Variants in CPXM2 observed in about 807,000 individuals in gnomAD.
CPXM2 encodes inactive carboxypeptidase-like protein X2.
CPXM2 carries 66 observed loss-of-function variants against 86.1 expected under a neutral mutation model. The observed-to-expected ratio is 0.77, with a 90% CI of 0.63 to 0.94. The LOEUF (loss-of-function observed/expected upper bound fraction) is 0.94. CPXM2 is among the 40% of genes least tolerant of loss of function. The pLI, the probability that CPXM2 is intolerant of heterozygous loss-of-function variation, is 0.00. For synonymous variants in CPXM2, 388 were observed against 400.2 expected (o/e 0.97, Z 0.36); for missense variants, 948 against 1,026.3 (o/e 0.92, Z 1.04).
At chr10:123,816,137 AC>A (rs1462360404) in intron 4 of CPXM2, among the ~76,000 whole-genome samples, 1 of 152,092 alleles carries the variant, frequency 6.6e-6, no homozygotes, top group African/African-American at 2.4e-5. Flanking sequence ...GTCACTTTAG[AC>A]CTACTCATCC....
chr10:123,916,934 C>T (rs1047219849), intron 2 of CPXM2, among the ~76,000 whole-genome samples: 8 of 152,218 alleles, frequency 5.3e-5, no homozygotes, highest in African/African-American at 1.2e-4. Context: ...CATGCCACCA[C>T]GCCCAGCTCT....
At chr10:123,783,638 G>T (rs1231004391) in intron 6 of CPXM2, among the ~76,000 whole-genome samples, 1 of 152,148 alleles carries the variant, frequency 6.6e-6, no homozygotes, top group Non-Finnish European at 1.5e-5. Flanking sequence ...CCACACAAAG[G>T]CCCTGAAATG....
At chr10:123,870,250 T>C (rs1273510352) in intron 2 of CPXM2, among the ~76,000 whole-genome samples, 2 of 152,208 alleles carry the variant, frequency 1.3e-5, no homozygotes, top group African/African-American at 2.4e-5. Context: ...TCCGTCTGAC[T>C]TGAAAACTCG....
intron 2 of CPXM2, among the ~76,000 whole-genome samples, chr10:123,927,185 G>T (rs1945630125): frequency 6.6e-6 from 1 of 152,152 alleles, no homozygotes; most frequent in Non-Finnish European, 1.5e-5. Flanking sequence ...CTTTTCAAAG[G>T]TTGCTCCCTT....
At chr10:123,797,306 T>G (rs576077458) in intron 6 of CPXM2, among the ~76,000 whole-genome samples, 7 of 152,346 alleles carry the variant, frequency 4.6e-5, no homozygotes, top group Admixed American at 4.6e-4. Flanking sequence ...AGTGTAATGG[T>G]ATCTGCCAAT....
chr10:123,902,932 C>T (rs995065604), intron 2 of CPXM2, among the ~76,000 whole-genome samples: 1 of 152,226 alleles, frequency 6.6e-6, no homozygotes, highest in East Asian at 1.9e-4. Context: ...CCCACCGTGC[C>T]CTTTCATTCT....
upstream of CPXM2, among the ~76,000 whole-genome samples, chr10:123,893,034 A>G (rs1252665027): frequency 6.6e-6 from 1 of 152,236 alleles, no homozygotes; most frequent in Non-Finnish European, 1.5e-5. Context: ...GGGCCCACCC[A>G]AAAAATTCAG....
chr10:123,907,167 G>A (rs922548758), intron 2 of CPXM2, among the ~76,000 whole-genome samples: 2 of 152,160 alleles, frequency 1.3e-5, no homozygotes, highest in African/African-American at 2.4e-5. Flanking sequence ...CAGCGGTGTG[G>A]TAGACATACC....
chr10:123,786,833 T>G (rs1847068035), intron 6 of CPXM2, among the ~76,000 whole-genome samples: 2 of 152,178 alleles, frequency 1.3e-5, no homozygotes, highest in Admixed American at 1.3e-4. Flanking sequence ...TATTCCCTTT[T>G]TCTTCAAATG....
chr10:123,923,397 A>G (rs925028060), intron 2 of CPXM2, among the ~76,000 whole-genome samples: 4 of 141,942 alleles, frequency 2.8e-5, no homozygotes, highest in Admixed American at 7.1e-5. Flanking sequence ...TGGCTAACAC[A>G]GTGAAACCCC....
chr10:123,877,924 A>G (rs1176138656), intron 2 of CPXM2, among the ~76,000 whole-genome samples: 3 of 152,180 alleles, frequency 2.0e-5, no homozygotes, highest in African/African-American at 7.2e-5. Context: ...TCATAACTCA[A>G]TGTAGTTAAC....
intron 3 of CPXM2, 95 bp downstream of exon 3, chr10:123,862,519 T>C (rs940327489): frequency 2.9e-6 from 3 of 1,039,576 alleles, no homozygotes; most frequent in African/African-American, 1.6e-5. Context: ...TCCAGGCTAA[T>C]GCATTTTAAA....
intron 5 of CPXM2, among the ~76,000 whole-genome samples, chr10:123,798,571 T>G (rs543546829): frequency 7.2e-4 from 109 of 152,310 alleles, no homozygotes; most frequent in African/African-American, 2.5e-3. Context: ...GAGCAGCTGT[T>G]TCACTTGTAC....
intron 2 of CPXM2, among the ~76,000 whole-genome samples, chr10:123,917,719 G>A (rs1945545182): frequency 6.6e-6 from 1 of 152,162 alleles, no homozygotes; most frequent in Non-Finnish European, 1.5e-5. Context: ...CATACTCTAG[G>A]CACTGAGCTT....
At position 123,932,060 on chromosome 10, in the gene CPXM2, T is replaced by C. The variant is rs11525316; in HGVS notation, n.174+7417A>G. On this transcript the variant is annotated intron_variant and non_coding_transcript_variant, in intron 2 of 19. Coordinates refer to the CPXM2 transcript ENST00000368854. ...ACAGTGTTGATTAAGTTAGGGAATA[T>C]GTGAGTCTACGAAGGTACAGGTGAA... Among the ~76,000 whole-genome samples, 244 of 152,286 alleles carry C rather than the reference T, an allele frequency of 1.6e-3. 1 individual carries two copies. Among genetic ancestry groups the C allele is most frequent in the African/African-American group, 3.7e-3 (152 of 41,548 alleles).
chr10:123,842,306 AC>A, intron 4 of CPXM2, 42 bp downstream of exon 4: 1 of 1,611,334 alleles, frequency 6.2e-7, no homozygotes. Context: ...CAAAAGCTAG[AC>A]CCAAAACAGG....
At chr10:123,804,553 A>G (rs1009244885) in intron 4 of CPXM2, among the ~76,000 whole-genome samples, 3 of 152,104 alleles carry the variant, frequency 2.0e-5, no homozygotes, top group Non-Finnish European at 4.4e-5. Context: ...TTGACTTTGT[A>G]CCCAGCTACC....
chr10:123,771,289 G>T (rs897126845), intron 7 of CPXM2, among the ~76,000 whole-genome samples: 5 of 152,012 alleles, frequency 3.3e-5, no homozygotes, highest in Non-Finnish European at 7.4e-5. Context: ...CCTGGCCATT[G>T]CCCCCACCCG....
chr10:123,921,537 T>A (rs900757497), intron 2 of CPXM2, among the ~76,000 whole-genome samples: 1 of 152,240 alleles, frequency 6.6e-6, no homozygotes, highest in Admixed American at 6.5e-5. Flanking sequence ...GTTCTGTGAA[T>A]AAGATAAGAG....
Sources: gnomAD v4.1 joint callset for allele counts (sites outside exome capture counted in the v4.1 genomes callset) on GRCh38, gnomAD v4.1.1 for gene constraint, MANE v1.5 for transcripts, NCBI Gene and HGNC (gene_info 2026-07-23, HGNC 2026-07-21) for gene names.